Variants in HS3ST3A1 observed in about 807,000 individuals in gnomAD.
HS3ST3A1 encodes the protein heparan sulfate glucosamine 3-O-sulfotransferase 3A1.
A neutral mutation model predicts 25.7 loss-of-function variants in HS3ST3A1; 19 were observed. The ratio of observed to expected loss-of-function variants is 0.74; its 90% CI spans 0.52 to 1.08. The LOEUF is 1.08. Ranked by LOEUF, HS3ST3A1 falls within the 50% of genes least tolerant of loss-of-function variation. The pLI is 0.00. For missense variants in HS3ST3A1, 459 were observed against 594.3 expected (o/e 0.77, Z 2.37); for synonymous variants, 226 against 278.6 (o/e 0.81, Z 1.88).
At chr17:13,586,023 T>A (rs1384323414) in intron 1 of HS3ST3A1, among the ~76,000 whole-genome samples, 2 of 151,494 alleles carry the variant, frequency 1.3e-5, no homozygotes, top group African/African-American at 4.8e-5. Flanking sequence ...TAATTTTTTG[T>A]ATTTTAGTAG....
intron 1 of HS3ST3A1, among the ~76,000 whole-genome samples, chr17:13,584,637 CAATT>C (rs71854239): frequency 0.19 from 29,260 of 151,416 alleles, 3,668 homozygotes; most frequent in African/African-American, 0.36. Context: ...ATTAAAAAAA[CAATT>C]AATCATGCCA....
chr17:13,561,004 C>T (rs1907532179), intron 1 of HS3ST3A1, among the ~76,000 whole-genome samples: 1 of 152,224 alleles, frequency 6.6e-6, no homozygotes, highest in Admixed American at 6.5e-5. Flanking sequence ...AAACACATTG[C>T]TTCCATCTCC....
chr17:13,495,042 A>C lies in HS3ST3A1; in HGVS notation c.*1155T>G, dbSNP rs1456625177. Among the ~76,000 whole-genome samples, 2 of 152,242 alleles carry C rather than the reference A, an allele frequency of 1.3e-5. No homozygotes were observed. Among genetic ancestry groups the C allele is most frequent in the Non-Finnish European group, 2.9e-5 (2 of 68,042 alleles). ...TCAGAGTACTAGCTCCAAAGTTAGA[A>C]GTGAGATATTACAAAGAAAGGTAGG... On this transcript the variant is annotated 3_prime_UTR_variant, in exon 2 of 2. Coordinates refer to ENST00000284110, the MANE Select transcript of HS3ST3A1 (RefSeq NM_006042.3).
Position 13,601,507 on chromosome 17 carries a change from C to G in HS3ST3A1, c.-378G>C, listed in dbSNP as rs113731124. On this transcript the variant is annotated 5_prime_UTR_variant, in exon 1 of 2. Transcript: ENST00000284110. Reference sequence around the variant, plus strand: ...AAGGCGTGCGTCTCAGCCCCGGCCCCGAGAGACTTCTCGGCGCGGATCTCC... The same window carrying G: ...AAGGCGTGCGTCTCAGCCCCGGCCCGGAGAGACTTCTCGGCGCGGATCTCC... 36 of 194,746 alleles carry G rather than the reference C, an allele frequency of 1.8e-4. No homozygotes were observed. The highest frequency in any genetic ancestry group is 6.7e-4 in the African/African-American group (29 of 43,034). 12.1% of individuals were successfully genotyped at this position (194,746 alleles called of 1,614,324 possible).
At chr17:13,562,741 C>G (rs979624071) in intron 1 of HS3ST3A1, among the ~76,000 whole-genome samples, 43 of 152,082 alleles carry the variant, frequency 2.8e-4, no homozygotes, top group African/African-American at 9.7e-4. Context: ...CAAACTCCAT[C>G]CAGAGTCAAA....
chr17:13,560,335 A>G, intron 1 of HS3ST3A1, among the ~76,000 whole-genome samples: 1 of 138,404 alleles, frequency 7.2e-6, no homozygotes, highest in East Asian at 2.1e-4. Context: ...TTACCTACAT[A>G]CTCTTCAACT....
intron 1 of HS3ST3A1, among the ~76,000 whole-genome samples, chr17:13,569,001 C>T (rs986991046): frequency 1.3e-5 from 2 of 152,092 alleles, no homozygotes; most frequent in Non-Finnish European, 2.9e-5. Context: ...ACAGAGAGGG[C>T]AAGCTTCCTG....
chr17:13,505,226 C>T (rs1467139950), intron 1 of HS3ST3A1, among the ~76,000 whole-genome samples: 2 of 152,190 alleles, frequency 1.3e-5, no homozygotes, highest in Middle Eastern at 3.4e-3. Context: ...AGTATACAGA[C>T]GACGGCTCCA....
At chr17:13,540,238 G>GTCAC (rs980661012) in intron 1 of HS3ST3A1, among the ~76,000 whole-genome samples, 90 of 152,288 alleles carry the variant, frequency 5.9e-4, no homozygotes, top group Middle Eastern at 3.4e-3. Flanking sequence ...TGTTATCTGT[G>GTCAC]TCACTGACCA....
intron 1 of HS3ST3A1, among the ~76,000 whole-genome samples, chr17:13,560,289 C>CACAAAAAAA (rs570211129): frequency 5.8e-5 from 1 of 17,378 alleles, no homozygotes; most frequent in African/African-American, 1.7e-4. Flanking sequence ...CACTCGTCTC[C>CACAAAAAAA]AAAAAAAAAA....
intron 1 of HS3ST3A1, among the ~76,000 whole-genome samples, chr17:13,597,275 A>G (rs1908601627): frequency 6.6e-6 from 1 of 152,058 alleles, no homozygotes; most frequent in African/African-American, 2.4e-5. Context: ...TTTAGCTTAC[A>G]AGAAAAAAGA....
In HS3ST3A1 at chr17:13,601,461, G is replaced by C. The variant is rs968144202; in HGVS notation, c.-332C>G. The C allele has an allele frequency of 5.5e-5, 14 of 254,742 alleles. No homozygotes were observed. Among genetic ancestry groups the C allele is most frequent in the Non-Finnish European group, 8.9e-5 (12 of 135,422 alleles). 15.8% of individuals were successfully genotyped at this position (254,742 alleles called of 1,614,324 possible). The stretch of plus-strand genomic sequence containing the variant: ...GTTCCCCGCAAGAGTCGCCGGAATC[G>C]GGGTCTTGGCAGCGGTGTCGAAGGC... On this transcript the variant is annotated 5_prime_UTR_variant, in exon 1 of 2. Coordinates refer to ENST00000284110, the MANE Select transcript of HS3ST3A1 (RefSeq NM_006042.3).
Position 13,495,773 on chromosome 17 carries a change from T to A in HS3ST3A1, c.*424A>T, listed in dbSNP as rs2142284486. 1 of 158,358 alleles carries A rather than the reference T, an allele frequency of 6.3e-6. No individual in the cohort carries two copies. Among genetic ancestry groups the A allele is most frequent in the East Asian group, 1.9e-4 (1 of 5,322 alleles). 9.8% of individuals were successfully genotyped at this position (158,358 alleles called of 1,614,324 possible). On this transcript the variant is annotated 3_prime_UTR_variant, in exon 2 of 2. Coordinates refer to ENST00000284110, the MANE Select transcript of HS3ST3A1 (RefSeq NM_006042.3). ...TGTGACGGGTACAAACATATGATAA[T>A]ACTAACTGGGAAATAATTTAAGAAA...
At chr17:13,566,172 G>C (rs115670948) in intron 1 of HS3ST3A1, among the ~76,000 whole-genome samples, 35 of 152,118 alleles carry the variant, frequency 2.3e-4, no homozygotes, top group African/African-American at 8.2e-4. Context: ...ATGCTCACAT[G>C]CTGTGTCTCT....
At chr17:13,506,309 G>A (rs1407781054) in intron 1 of HS3ST3A1, among the ~76,000 whole-genome samples, 2 of 152,044 alleles carry the variant, frequency 1.3e-5, no homozygotes, top group African/African-American at 2.4e-5. Flanking sequence ...TCCTGGCCTC[G>A]ATTTCTTCAT....
chr17:13,554,841 T>C (rs1307790925), intron 1 of HS3ST3A1, among the ~76,000 whole-genome samples: 1 of 152,110 alleles, frequency 6.6e-6, no homozygotes, highest in Non-Finnish European at 1.5e-5. Flanking sequence ...ACAAGTCTAG[T>C]ACCTTATTAT....
chr17:13,554,899 G>A (rs538573145), intron 1 of HS3ST3A1, among the ~76,000 whole-genome samples: 2 of 152,110 alleles, frequency 1.3e-5, no homozygotes, highest in Admixed American at 6.5e-5. Context: ...CTCCCCACAG[G>A]CAGACTGCCC....
chr17:13,540,800 ACCCAAAAGAGC>A (rs1226044028), intron 1 of HS3ST3A1, among the ~76,000 whole-genome samples: 1 of 152,196 alleles, frequency 6.6e-6, no homozygotes, highest in Non-Finnish European at 1.5e-5. Context: ...CTTAGGGGCT[ACCCAAAAGAGC>A]AAAAGGGAAA....
intron 1 of HS3ST3A1, among the ~76,000 whole-genome samples, chr17:13,583,781 C>T (rs12952904): frequency 0.39 from 59,837 of 151,838 alleles, 13,926 homozygotes; most frequent in Admixed American, 0.54. Context: ...CTCTACGAAC[C>T]TCTATGAGTT....
Sources: gnomAD v4.1 joint callset for allele counts (sites outside exome capture counted in the v4.1 genomes callset) on GRCh38, gnomAD v4.1.1 for gene constraint, MANE v1.5 for transcripts, NCBI Gene and HGNC (gene_info 2026-07-23, HGNC 2026-07-21) for gene names.